CHRM3: variants seen among roughly 807,000 people sequenced by gnomAD.
CHRM3 encodes cholinergic receptor muscarinic 3.
CHRM3 carries 11 observed loss-of-function variants against 41.8 expected under a neutral mutation model. That is an observed-to-expected ratio of 0.26 (90% CI 0.17 to 0.44). The LOEUF (loss-of-function observed/expected upper bound fraction) is 0.44. Ranked by LOEUF, CHRM3 falls within the 20% of genes least tolerant of loss-of-function variation. The pLI is 1.00. For missense variants in CHRM3, 571 were observed against 745.4 expected (o/e 0.77, Z 2.72); for synonymous variants, 297 against 301.4 (o/e 0.99, Z 0.15).
intron 1 of CHRM3, among the ~76,000 whole-genome samples, chr1:239,472,204 C>T (rs796817002): frequency 1.3e-5 from 2 of 152,308 alleles, no homozygotes; most frequent in African/African-American, 4.8e-5. Context: ...TCTGGCCCAT[C>T]CCGTCTTGTA....
chr1:239,423,091 T>C (rs1452315342), intron 1 of CHRM3, among the ~76,000 whole-genome samples: 1 of 152,184 alleles, frequency 6.6e-6, no homozygotes, highest in African/African-American at 2.4e-5. Context: ...CACAGGGCTG[T>C]AGCCAGGACT....
At chr1:239,784,189 T>A (rs2148819712) in intron 5 of CHRM3, among the ~76,000 whole-genome samples, 1 of 152,300 alleles carries the variant, frequency 6.6e-6, no homozygotes, top group Admixed American at 6.5e-5. Context: ...CTCCTCTTTT[T>A]TCCCTGATAA....
intron 3 of CHRM3, among the ~76,000 whole-genome samples, chr1:239,615,095 T>C (rs1283839823): frequency 6.6e-6 from 1 of 152,004 alleles, no homozygotes; most frequent in East Asian, 1.9e-4. Context: ...ATGCGGGAGG[T>C]CAGGCTTTGA....
intron 1 of CHRM3, among the ~76,000 whole-genome samples, chr1:239,452,754 A>G (rs1664643499): frequency 6.6e-6 from 1 of 152,094 alleles, no homozygotes; most frequent in South Asian, 2.1e-4. Context: ...AAGATAAAAC[A>G]TACTCTTTCT....
chr1:239,820,765 A>T (rs572635272), intron 5 of CHRM3, among the ~76,000 whole-genome samples: 21 of 152,160 alleles, frequency 1.4e-4, no homozygotes, highest in Non-Finnish European at 2.8e-4. Context: ...TCCAGAAAAA[A>T]CTATGCATTT....
chr1:239,622,003 A>G (rs1244117447), intron 3 of CHRM3, among the ~76,000 whole-genome samples: 2 of 152,148 alleles, frequency 1.3e-5, no homozygotes, highest in South Asian at 2.1e-4. Context: ...TGAAGGTAAC[A>G]TTCATTTATT....
At chr1:239,636,655 A>G (rs1238264889) in intron 4 of CHRM3, among the ~76,000 whole-genome samples, 1 of 152,144 alleles carries the variant, frequency 6.6e-6, no homozygotes, top group Non-Finnish European at 1.5e-5. Context: ...TGATAATTAT[A>G]TGTTTGGAAA....
At chr1:239,594,943 G>T (rs1044317132) in intron 3 of CHRM3, among the ~76,000 whole-genome samples, 1 of 152,126 alleles carries the variant, frequency 6.6e-6, no homozygotes, top group African/African-American at 2.4e-5. Flanking sequence ...TACAAAATTA[G>T]CCGGGCGTGG....
At position 239,907,284 on chromosome 1, in the gene CHRM3, TA is replaced by T; in HGVS notation, c.-19-145del. 1.6e-6 allele frequency: 1 copy of T among 614,222 alleles called. No individual in the cohort carries two copies. 38.0% of individuals were successfully genotyped at this position (614,222 alleles called of 1,614,324 possible). A position where few individuals can be genotyped will look rare whatever the true frequency, so the allele number is the denominator to read the frequency against. On this transcript the variant is annotated intron_variant, in intron 6 of 6. Transcript: ENST00000676153. This position sits in a 1 kb window ranked among gnomAD's most constrained non-coding sequence, Gnocchi z 5.4. Reference sequence around the variant, plus strand: ...CTGTCTGCCCTAGACTCCACTTATTTAAAATAAGAGAATGAACTTGATGTTT... The same window carrying T: ...CTGTCTGCCCTAGACTCCACTTATTTAAATAAGAGAATGAACTTGATGTTT...
chr1:239,444,778 G>A (rs1286130607), intron 1 of CHRM3, among the ~76,000 whole-genome samples: 1 of 152,144 alleles, frequency 6.6e-6, no homozygotes, highest in Non-Finnish European at 1.5e-5. Context: ...AAAGACCAGA[G>A]AATATTGTAT....
At chr1:239,731,821 G>A (rs902726482) in intron 5 of CHRM3, among the ~76,000 whole-genome samples, 1 of 151,842 alleles carries the variant, frequency 6.6e-6, no homozygotes, top group African/African-American at 2.4e-5. Flanking sequence ...CTTTACTGTT[G>A]CCTCCAGGGT....
At chr1:239,684,246 C>G (rs1658853394) in intron 5 of CHRM3, among the ~76,000 whole-genome samples, 1 of 152,130 alleles carries the variant, frequency 6.6e-6, no homozygotes, top group Non-Finnish European at 1.5e-5. Context: ...GGCCCAGTCC[C>G]TGGGTGAGTC....
At chr1:239,617,792 G>A (rs1208710641) in intron 3 of CHRM3, among the ~76,000 whole-genome samples, 3 of 152,122 alleles carry the variant, frequency 2.0e-5, no homozygotes, top group African/African-American at 7.2e-5. Flanking sequence ...CACACTGTAC[G>A]TGGTGTAGAG....
chr1:239,578,716 A>G (rs1038889753), intron 3 of CHRM3, among the ~76,000 whole-genome samples: 3 of 152,120 alleles, frequency 2.0e-5, no homozygotes, highest in East Asian at 1.9e-4. Flanking sequence ...AGCATTTCCC[A>G]TGCTTGAACG....
intron 1 of CHRM3, among the ~76,000 whole-genome samples, chr1:239,393,697 A>G (rs763505429): frequency 6.6e-6 from 1 of 152,204 alleles, no homozygotes; most frequent in Non-Finnish European, 1.5e-5. Context: ...TGAATGTTAG[A>G]AACTGAAAAT....
intron 2 of CHRM3, among the ~76,000 whole-genome samples, chr1:239,541,088 T>A (rs2148389330): frequency 6.6e-6 from 1 of 152,208 alleles, no homozygotes; most frequent in African/African-American, 2.4e-5. Flanking sequence ...GGAAAAAAAA[T>A]TCTTAGTTGG....
chr1:239,750,290 A>G (rs1380848845), intron 5 of CHRM3, among the ~76,000 whole-genome samples: 1 of 152,234 alleles, frequency 6.6e-6, no homozygotes, highest in Non-Finnish European at 1.5e-5. Flanking sequence ...AAGAAAGTAC[A>G]TGAAAGGCTA....
intron 1 of CHRM3, among the ~76,000 whole-genome samples, chr1:239,396,717 C>T (rs1193847731): frequency 6.6e-6 from 1 of 152,106 alleles, no homozygotes; most frequent in African/African-American, 2.4e-5. Flanking sequence ...AAGTAAAAGT[C>T]CACCATAACC....
chr1:239,721,076 G>A (rs1471399192), intron 5 of CHRM3, among the ~76,000 whole-genome samples: 1 of 151,834 alleles, frequency 6.6e-6, no homozygotes, highest in Non-Finnish European at 1.5e-5. Context: ...TCCAATAAAA[G>A]GAGTGCTCAA....
Sources: allele counts gnomAD v4.1 joint callset (sites outside exome capture counted in the v4.1 genomes callset), GRCh38; gene constraint gnomAD v4.1.1; non-coding constraint Gnocchi (gnomAD v3.1); transcripts MANE v1.5; gene names NCBI Gene and HGNC (gene_info 2026-07-23, HGNC 2026-07-21).